Variants in GRM7 observed in about 807,000 individuals in gnomAD.
The protein encoded by GRM7 is glutamate metabotropic receptor 7, also known as metabotropic glutamate receptor 7.
Under a neutral mutation model 84.5 loss-of-function variants are expected in GRM7, and 35 were observed. The ratio of observed to expected loss-of-function variants is 0.41; its 90% CI spans 0.32 to 0.55. GRM7 has a LOEUF of 0.55. Among genes scored for constraint, GRM7 ranks in the 20% least tolerant of loss-of-function variants. GRM7 has a pLI of 0.19. For synonymous variants in GRM7, 487 were observed against 455.1 expected, an observed-to-expected ratio of 1.07 and a Z score of -0.89; for missense variants, 1,003 against 1,194.6, an observed-to-expected ratio of 0.84 and a Z score of 2.36.
chr3:6,885,248 G>A (rs900962644), intron 1 of GRM7, among the ~76,000 whole-genome samples: 1 of 152,180 alleles, frequency 6.6e-6, no homozygotes, highest in Non-Finnish European at 1.5e-5. Flanking sequence ...CAGAGGTACT[G>A]CTTCTTGCAG....
intron 1 of GRM7, among the ~76,000 whole-genome samples, chr3:6,886,429 G>C (rs1326748057): frequency 6.6e-6 from 1 of 152,072 alleles, no homozygotes; most frequent in Non-Finnish European, 1.5e-5. Flanking sequence ...AACTAACATG[G>C]CACATGTATA....
At chr3:6,885,367 G>A (rs1368947155) in intron 1 of GRM7, among the ~76,000 whole-genome samples, 3 of 152,198 alleles carry the variant, frequency 2.0e-5, no homozygotes, top group Non-Finnish European at 2.9e-5. Context: ...GGCAACTTAT[G>A]CAGAAATTTC....
chr3:6,983,865 T>C (rs1323723493), intron 1 of GRM7, among the ~76,000 whole-genome samples: 2 of 152,206 alleles, frequency 1.3e-5, no homozygotes, highest in Non-Finnish European at 2.9e-5. Context: ...TAAAGATATC[T>C]AACAGTATCT....
At chr3:7,425,424 ATT>A (rs1696567642) in intron 5 of GRM7, among the ~76,000 whole-genome samples, 4 of 152,186 alleles carry the variant, frequency 2.6e-5, no homozygotes, top group Admixed American at 2.6e-4. Context: ...TGACTATAAA[ATT>A]CTCTCTGAAT....
In GRM7 at chr3:7,119,860, A is replaced by T. The variant is rs572154902; in HGVS notation, c.520-26592A>T. On this transcript the variant is annotated intron_variant, in intron 1 of 9. Transcript: ENST00000357716. ...TGACTTCAGCTCATATTTTAAAATT[A>T]TGGGCGCTTCTGATTTACATAGCTC... Among the ~76,000 whole-genome samples the T allele has an allele frequency of 5.3e-5, 8 of 152,220 alleles. No homozygotes were observed. The East Asian group carries it at 1.5e-3, about 29-fold the overall frequency.
chr3:7,374,614 G>A (rs1002481626), intron 4 of GRM7, among the ~76,000 whole-genome samples: 1 of 151,206 alleles, frequency 6.6e-6, no homozygotes, highest in African/African-American at 2.4e-5. Context: ...AAGTAGCTAG[G>A]ATTACAGGTG....
chr3:7,523,174 C>G (rs918013529), intron 7 of GRM7, among the ~76,000 whole-genome samples: 1 of 152,182 alleles, frequency 6.6e-6, no homozygotes, highest in African/African-American at 2.4e-5. Context: ...TTTTCTCCAA[C>G]TTACCGCATT....
chr3:7,732,556 A>T (rs1177084308), intron 9 of GRM7, among the ~76,000 whole-genome samples: 1 of 152,208 alleles, frequency 6.6e-6, no homozygotes, highest in Non-Finnish European at 1.5e-5. Context: ...AAAGAAGGAC[A>T]TTACCGAGAG....
At chr3:7,059,340 A>G (rs930179319) in intron 1 of GRM7, among the ~76,000 whole-genome samples, 2 of 151,808 alleles carry the variant, frequency 1.3e-5, no homozygotes, top group African/African-American at 4.8e-5. Context: ...CTACTTGTTT[A>G]TACACTGTCT....
intron 8 of GRM7, among the ~76,000 whole-genome samples, chr3:7,613,270 AT>A (rs1413430012): frequency 1.3e-5 from 2 of 152,268 alleles, no homozygotes; most frequent in African/African-American, 4.8e-5. Context: ...TCAATAAGAG[AT>A]TTCCCTCCAT....
At chr3:7,703,485 T>C (rs1701293619) in intron 9 of GRM7, among the ~76,000 whole-genome samples, 1 of 152,010 alleles carries the variant, frequency 6.6e-6, no homozygotes, top group Non-Finnish European at 1.5e-5. Flanking sequence ...TGGGCTGTGG[T>C]GTTTATTCTA....
At chr3:7,714,543 A>T (rs191094920) in intron 9 of GRM7, among the ~76,000 whole-genome samples, 1 of 152,346 alleles carries the variant, frequency 6.6e-6, no homozygotes, top group Admixed American at 6.5e-5. Context: ...CTTAGGTTCC[A>T]TTGCAGATTG....
chr3:7,659,730 A>T (rs1369101227), intron 8 of GRM7, among the ~76,000 whole-genome samples: 1 of 152,188 alleles, frequency 6.6e-6, no homozygotes, highest in Non-Finnish European at 1.5e-5. Flanking sequence ...CCACAGCAAC[A>T]AGGTCTCACT....
At chr3:7,355,267 G>T (rs1272469313) in intron 4 of GRM7, among the ~76,000 whole-genome samples, 1 of 152,128 alleles carries the variant, frequency 6.6e-6, no homozygotes, top group Non-Finnish European at 1.5e-5. Context: ...GATTTTGGAG[G>T]AGACACATTG....
chr3:7,487,084 T>G (rs933560699), intron 7 of GRM7, among the ~76,000 whole-genome samples: 2 of 152,142 alleles, frequency 1.3e-5, no homozygotes, highest in African/African-American at 2.4e-5. Flanking sequence ...TGTGAAGAAC[T>G]TGGCACCATT....
chr3:7,688,428 C>T (rs778399326), intron 9 of GRM7, among the ~76,000 whole-genome samples: 1 of 152,010 alleles, frequency 6.6e-6, no homozygotes, highest in Non-Finnish European at 1.5e-5. Context: ...TCTTTATTTT[C>T]GCAATGGTAT....
At chr3:7,654,502 T>C (rs541127966) in intron 8 of GRM7, among the ~76,000 whole-genome samples, 1 of 152,344 alleles carries the variant, frequency 6.6e-6, no homozygotes, top group Admixed American at 6.5e-5. Flanking sequence ...CCTTCCTGGA[T>C]TTGTTACTAC....
intron 1 of GRM7, among the ~76,000 whole-genome samples, chr3:7,121,360 TC>T (rs1209777851): frequency 1.3e-5 from 2 of 151,870 alleles, no homozygotes; most frequent in Non-Finnish European, 2.9e-5. Context: ...CATCCATCCA[TC>T]CATCCATCCA....
intron 1 of GRM7, among the ~76,000 whole-genome samples, chr3:6,896,917 T>C (rs578058490): frequency 1.3e-5 from 2 of 152,300 alleles, no homozygotes; most frequent in East Asian, 3.9e-4. Flanking sequence ...CATGTGAATG[T>C]ATGTGTGTGC....
Sources: gnomAD v4.1 joint callset for allele counts (sites outside exome capture counted in the v4.1 genomes callset) on GRCh38, gnomAD v4.1.1 for gene constraint, MANE v1.5 for transcripts, NCBI Gene and HGNC (gene_info 2026-07-23, HGNC 2026-07-21) for gene names.